The following HHLA1 variants were observed in gnomAD, a reference collection of about 807,000 sequenced individuals.
HHLA1 encodes HHLA1 neighbor of OC90, also known as HERV-H LTR-associating protein 1.
A neutral mutation model predicts 69.9 loss-of-function variants in HHLA1; 72 were observed. The observed-to-expected ratio is 1.03, with a 90% CI of 0.85 to 1.25. The LOEUF is 1.25. Ranked by LOEUF, HHLA1 falls within the 50% of genes most tolerant of loss-of-function variation. HHLA1 has a pLI of 0.00. For synonymous variants in HHLA1, 252 were observed against 233.2 expected (o/e 1.08, Z -0.73); for missense variants, 685 against 642.2 (o/e 1.07, Z -0.72).
At chr8:132,099,187 G>A (rs1247914184) in intron 4 of HHLA1, among the ~76,000 whole-genome samples, 1 of 152,160 alleles carries the variant, frequency 6.6e-6, no homozygotes, top group Admixed American at 6.5e-5. Context: ...TTCCAATGAA[G>A]CACAGGAAAC....
rs564237503 is a variant in HHLA1, at chr8:132,086,635, G to C, written c.676+1018C>G. ...CTGGCGTGTGTGTGTGTTGAGGGGG[G>C]TGTGGTGGGAATGTCATGGAAAGAC... is the stretch of plus-strand genomic sequence containing the variant. On this transcript the variant is annotated intron_variant, in intron 10 of 16. Coordinates refer to ENST00000414222, the MANE Select transcript of HHLA1 (RefSeq NM_001145095.3). 1.4e-4 allele frequency among the ~76,000 whole-genome samples: 22 copies of C among 152,282 alleles called. No individual in the cohort carries two copies. In the South Asian group the frequency reaches 2.7e-3, roughly 19 times the overall value.
intron 13 of HHLA1, 126 bp downstream of exon 13, chr8:132,076,349 C>A: frequency 2.7e-6 from 2 of 752,578 alleles, no homozygotes; most frequent in Non-Finnish European, 2.2e-6. Context: ...CTGCAGGAAA[C>A]AATAAAGCAG....
chr8:132,071,366 C>T lies in HHLA1; in HGVS notation c.1443G>A (p.Gln481=). 1 of 1,551,672 alleles carries T rather than the reference C, an allele frequency of 6.4e-7. No individual in the cohort carries two copies. The highest frequency in any genetic ancestry group is 8.7e-7 in the Non-Finnish European group (1 of 1,146,938). ...QFFQQCLCMS[Q]RSPRTEDMRY... ...TCATGTCCTCTGTCCTGGGACTCCT[C>T]TGGCTCATGCAGAGGCATTGCTGGA... Residue 481 remains glutamine (Q), a synonymous_variant, in exon 15 of 17, where the codon CAG becomes CAA. Transcript: ENST00000414222.
intron 4 of HHLA1, among the ~76,000 whole-genome samples, chr8:132,099,183 T>G (rs1824075436): frequency 6.6e-6 from 1 of 152,158 alleles, no homozygotes; most frequent in African/African-American, 2.4e-5. Context: ...GAAATTCCAA[T>G]GAAGCACAGG....
At chr8:132,104,796 T>C (rs1227925991) in intron 2 of HHLA1, among the ~76,000 whole-genome samples, 1 of 151,654 alleles carries the variant, frequency 6.6e-6, no homozygotes, top group Non-Finnish European at 1.5e-5. Context: ...CGCAAATAAT[T>C]TGGGGCAGAG....
intron 10 of HHLA1, 139 bp from the exon 11 acceptor site, chr8:132,080,105 G>T: frequency 8.3e-7 from 1 of 1,210,238 alleles, no homozygotes. Flanking sequence ...CATTTGCTAT[G>T]TTTCCTGAAC....
At chr8:132,095,493 C>A in intron 7 of HHLA1, 26 bp downstream of exon 7, 1 of 1,462,724 alleles carries the variant, frequency 6.8e-7, no homozygotes. Context: ...GGAAAAGCTG[C>A]AAGCCTCATG....
intron 7 of HHLA1, among the ~76,000 whole-genome samples, chr8:132,092,522 T>A (rs931667003): frequency 6.6e-6 from 1 of 152,202 alleles, no homozygotes; most frequent in Admixed American, 6.5e-5. Flanking sequence ...TCCTTGGTGC[T>A]GTTCTCATGA....
Position 132,085,235 on chromosome 8 carries a change from G to A in HHLA1, c.676+2418C>T, listed in dbSNP as rs185414933. Among the ~76,000 whole-genome samples the A allele has an allele frequency of 6.0e-3, 915 of 152,288 alleles. 7 individuals are homozygous for A. Among genetic ancestry groups the A allele is most frequent in the African/African-American group, 0.021 (882 of 41,532 alleles). On this transcript the variant is annotated intron_variant, in intron 10 of 16. Transcript: ENST00000414222. ...GCCTTCCCAGTCCGTGACCGGCGCT[G>A]GAGTTTTGGGTTCACGGATAAAACA...
At chr8:132,085,460 C>A in intron 10 of HHLA1, 1 of 393,686 alleles carries the variant, frequency 2.5e-6, no homozygotes, top group South Asian at 1.8e-5. Flanking sequence ...GACCTGAGGT[C>A]GTAGGTGGAT....
chr8:132,089,634 T>C lies in HHLA1; in HGVS notation c.449-35A>G, dbSNP rs1189948434. ...AAATTTAGGAGGTTTAAATTTCTGCTTCAGAGACAAAAGGAGAAAAGTATA... is the reference window on the plus strand; with the variant it reads ...AAATTTAGGAGGTTTAAATTTCTGCCTCAGAGACAAAAGGAGAAAAGTATA... On this transcript the variant is annotated intron_variant, in intron 7 of 16. Coordinates refer to ENST00000414222, the MANE Select transcript of HHLA1 (RefSeq NM_001145095.3). 1.5e-5 allele frequency: 15 copies of C among 1,030,642 alleles called. No homozygotes were observed. The South Asian group carries it at 1.6e-4, about 11-fold the overall frequency. The allele number at this position is 1,030,642 out of a possible 1,614,324, so 63.8% of individuals were successfully genotyped here.
At chr8:132,078,085 G>T (rs1823678274) in intron 11 of HHLA1, 114 bp from the exon 12 acceptor site, 2 of 1,095,830 alleles carry the variant, frequency 1.8e-6, no homozygotes, top group South Asian at 3.1e-5. Context: ...ATGTGAACGT[G>T]TAATATAAGT....
At chr8:132,096,840 T>G (rs886416438) in intron 5 of HHLA1, among the ~76,000 whole-genome samples, 3 of 152,168 alleles carry the variant, frequency 2.0e-5, no homozygotes, top group African/African-American at 7.2e-5. Context: ...GACAGGGTCT[T>G]GCTCTGTCAC....
At position 132,062,064 on chromosome 8, in the gene HHLA1, G is replaced by A. The variant is rs763076462; in HGVS notation, c.*1931C>T. On this transcript the variant is annotated 3_prime_UTR_variant, in exon 17 of 17. Transcript: ENST00000414222. The stretch of plus-strand genomic sequence containing the variant: ...CCTTGATGATAAGTTACTCTTTGAG[G>A]AACCTTGAGGACCCTCTCCTGTCAA... The A allele has an allele frequency of 1.4e-4, 21 of 152,156 alleles. No individual in the cohort carries two copies. Among genetic ancestry groups the A allele is most frequent in the Non-Finnish European group, 2.4e-4 (16 of 68,038 alleles). 9.4% of individuals were successfully genotyped at this position (152,156 alleles called of 1,614,324 possible). A position where few individuals can be genotyped will look rare whatever the true frequency, so the allele number is the denominator to read the frequency against.
intron 16 of HHLA1, 109 bp downstream of exon 16, chr8:132,065,777 A>G: frequency 2.2e-6 from 1 of 461,368 alleles, no homozygotes; most frequent in South Asian, 1.8e-5. Flanking sequence ...AATGAGGACT[A>G]GATGAGCTAC....
At chr8:132,099,800 G>T (rs1422596258) in intron 4 of HHLA1, among the ~76,000 whole-genome samples, 1 of 152,022 alleles carries the variant, frequency 6.6e-6, no homozygotes, top group African/African-American at 2.4e-5. Flanking sequence ...GTTGCAGTGA[G>T]CCAAGATCGT....
chr8:132,079,867 G>A lies in HHLA1; in HGVS notation c.776C>T (p.Pro259Leu), dbSNP rs1034804524. Residue 259 changes from proline to leucine, a missense_variant, in exon 11 of 17, where the codon CCC (proline) becomes CTC (leucine). By Grantham distance (98) the Pro-to-Leu change is moderately conservative. Transcript: ENST00000414222. ...TSPGHWTQST[P>L]WASALRSSPW... ...AGAGGATCTCAGAGCAGATGCCCAGGGTGTGCTCTGGGTCCAGTGTCCGGG... is the reference window on the plus strand; with the variant it reads ...AGAGGATCTCAGAGCAGATGCCCAGAGTGTGCTCTGGGTCCAGTGTCCGGG... 5.2e-6 allele frequency: 8 copies of A among 1,551,876 alleles called. No individual in the cohort carries two copies. The highest frequency in any genetic ancestry group is 7.0e-6 in the Non-Finnish European group (8 of 1,147,054).
chr8:132,079,650 T>C (rs1823705099), intron 11 of HHLA1, 68 bp downstream of exon 11: 1 of 1,451,122 alleles, frequency 6.9e-7, no homozygotes, highest in African/African-American at 1.4e-5. Flanking sequence ...TTTGCTTATA[T>C]ATGTGAGCCT....
At chr8:132,105,070 G>T in intron 2 of HHLA1, 117 bp downstream of exon 2, 1 of 798,138 alleles carries the variant, frequency 1.3e-6, no homozygotes, top group South Asian at 1.6e-5. Context: ...TTGCCATTTT[G>T]AACAAATTCA....
Sources: allele counts gnomAD v4.1 joint callset (sites outside exome capture counted in the v4.1 genomes callset), GRCh38; gene constraint gnomAD v4.1.1; transcripts MANE v1.5; gene names NCBI Gene and HGNC (gene_info 2026-07-23, HGNC 2026-07-21).